ADGRB3: variants seen among roughly 807,000 people sequenced by gnomAD.
The protein encoded by ADGRB3 is brain-specific angiogenesis inhibitor 3.
A neutral mutation model predicts 193.4 loss-of-function variants in ADGRB3; 37 were observed. That is an observed-to-expected ratio of 0.19 (90% confidence interval 0.15 to 0.25). ADGRB3 has a LOEUF of 0.25. Ranked by LOEUF, ADGRB3 falls within the 10% of genes least tolerant of loss-of-function variation. ADGRB3 has a pLI of 1.00. For synonymous variants in ADGRB3, 690 were observed against 644.2 expected (o/e 1.07, Z -1.08); for missense variants, 1,637 against 1,852.9 (o/e 0.88, Z 2.14).
intron 17 of ADGRB3, among the ~76,000 whole-genome samples, chr6:69,190,068 A>G (rs1238156947): frequency 6.6e-6 from 1 of 152,138 alleles, no homozygotes; most frequent in Non-Finnish European, 1.5e-5. Context: ...GGTACATAAT[A>G]TTTCATAATG....
chr6:68,831,874 G>A (rs1415652028), intron 3 of ADGRB3, among the ~76,000 whole-genome samples: 1 of 152,092 alleles, frequency 6.6e-6, no homozygotes, highest in South Asian at 2.1e-4. Flanking sequence ...ATCTGTTTCA[G>A]ATCACTCCTA....
At chr6:69,195,179 C>T (rs1490088370) in intron 17 of ADGRB3, among the ~76,000 whole-genome samples, 4 of 151,916 alleles carry the variant, frequency 2.6e-5, no homozygotes, top group South Asian at 2.1e-4. Context: ...TTCAGAGTTT[C>T]GTTAATGGAA....
intron 20 of ADGRB3, among the ~76,000 whole-genome samples, chr6:69,246,028 T>C (rs1766492395): frequency 6.6e-6 from 1 of 152,162 alleles, no homozygotes; most frequent in African/African-American, 2.4e-5. Context: ...CTAATAGTGA[T>C]AGATTATTTT....
At chr6:69,153,470 A>G (rs1245957270) in intron 17 of ADGRB3, among the ~76,000 whole-genome samples, 1 of 152,176 alleles carries the variant, frequency 6.6e-6, no homozygotes, top group Non-Finnish European at 1.5e-5. Flanking sequence ...GGAGAATAAT[A>G]AGGGGTTGAC....
At chr6:69,135,615 G>T (rs1378761850) in intron 17 of ADGRB3, among the ~76,000 whole-genome samples, 1 of 151,904 alleles carries the variant, frequency 6.6e-6, no homozygotes, top group Non-Finnish European at 1.5e-5. Context: ...AAAAAAGCCG[G>T]CAAGTTAAAC....
intron 8 of ADGRB3, among the ~76,000 whole-genome samples, chr6:68,958,044 T>TA (rs1053809798): frequency 1.3e-5 from 2 of 151,848 alleles, no homozygotes; most frequent in African/African-American, 4.8e-5. Context: ...CTACTAAAAA[T>TA]ACAAAAATTA....
chr6:69,034,211 C>T (rs1770798293), intron 13 of ADGRB3, among the ~76,000 whole-genome samples: 1 of 151,852 alleles, frequency 6.6e-6, no homozygotes, highest in African/African-American at 2.4e-5. Context: ...AGAGTCTGAC[C>T]TTCCTCTCTA....
At chr6:69,240,713 G>A (rs569472553) in intron 20 of ADGRB3, among the ~76,000 whole-genome samples, 38 of 152,024 alleles carry the variant, frequency 2.5e-4, no homozygotes, top group Admixed American at 1.1e-3. Flanking sequence ...GATGAGATGG[G>A]ACCGTAAACC....
At chr6:68,938,444 A>G (rs1767541728) in intron 5 of ADGRB3, among the ~76,000 whole-genome samples, 1 of 6,888 alleles carries the variant, frequency 1.5e-4, no homozygotes, top group Non-Finnish European at 8.8e-4. Flanking sequence ...TTTGAGGTAT[A>G]TATATATATA....
chr6:69,192,194 T>G (rs1394715134), intron 17 of ADGRB3, among the ~76,000 whole-genome samples: 2 of 152,018 alleles, frequency 1.3e-5, no homozygotes, highest in Non-Finnish European at 2.9e-5. Context: ...CAGTTGGAGA[T>G]CCGAAACCTC....
intron 6 of ADGRB3, among the ~76,000 whole-genome samples, chr6:68,954,108 C>G (rs931806998): frequency 3.3e-5 from 5 of 152,130 alleles, no homozygotes; most frequent in African/African-American, 7.2e-5. Flanking sequence ...TCTAAATTGT[C>G]CATAACTCAC....
chr6:69,213,971 A>T (rs954220348), intron 17 of ADGRB3, among the ~76,000 whole-genome samples: 5 of 152,152 alleles, frequency 3.3e-5, no homozygotes, highest in Non-Finnish European at 7.4e-5. Flanking sequence ...TAGGGGAGAA[A>T]GTGACCTCAA....
In ADGRB3 at chr6:68,943,246, C is replaced by A. The variant is rs1767689593; in HGVS notation, c.1031-584C>A. 7.9e-5 allele frequency among the ~76,000 whole-genome samples: 12 copies of A among 152,156 alleles called. No individual in the cohort carries two copies. The South Asian group carries it at 2.3e-3, about 29-fold the overall frequency. On this transcript the variant is annotated intron_variant, in intron 5 of 31. Transcript: ENST00000370598. ...TTGAGTAGACACTCTGTTTGAAATT[C>A]TTTTTATTCAAAATATGGTAACTTT...
intron 20 of ADGRB3, among the ~76,000 whole-genome samples, chr6:69,308,154 G>T (rs1275552924): frequency 6.6e-6 from 1 of 151,408 alleles, no homozygotes; most frequent in African/African-American, 2.4e-5. Flanking sequence ...AATGAGACCT[G>T]GAATAAATCA....
chr6:69,358,340 T>C (rs1399336745), intron 28 of ADGRB3, among the ~76,000 whole-genome samples: 1 of 151,936 alleles, frequency 6.6e-6, no homozygotes, highest in Non-Finnish European at 1.5e-5. Context: ...ATGCTAAAAT[T>C]TGAGTACCAC....
chr6:68,939,877 G>T (rs1010969342), intron 5 of ADGRB3, among the ~76,000 whole-genome samples: 3 of 151,966 alleles, frequency 2.0e-5, no homozygotes, highest in African/African-American at 7.3e-5. Flanking sequence ...AATGTATTTG[G>T]CATTTAATTA....
chr6:69,059,784 A>C (rs1771669842), intron 15 of ADGRB3, among the ~76,000 whole-genome samples: 1 of 152,070 alleles, frequency 6.6e-6, no homozygotes, highest in South Asian at 2.1e-4. Context: ...CATAATGTAA[A>C]TTTGCTTATT....
At chr6:68,907,280 A>C (rs534956113) in intron 3 of ADGRB3, among the ~76,000 whole-genome samples, 1 of 152,120 alleles carries the variant, frequency 6.6e-6, no homozygotes, top group African/African-American at 2.4e-5. Context: ...AGACACAATG[A>C]AATTATTAAT....
intron 17 of ADGRB3, among the ~76,000 whole-genome samples, chr6:69,143,763 C>T (rs1252362312): frequency 6.6e-6 from 1 of 152,114 alleles, no homozygotes; most frequent in African/African-American, 2.4e-5. Flanking sequence ...ATACCAGTAC[C>T]ATGCTTTTTT....
Sources: allele counts gnomAD v4.1 joint callset (sites outside exome capture counted in the v4.1 genomes callset), GRCh38; gene constraint gnomAD v4.1.1; transcripts MANE v1.5; gene names NCBI Gene and HGNC (gene_info 2026-07-23, HGNC 2026-07-21).